ZYG11A: variants seen among roughly 807,000 people sequenced by gnomAD.
The protein encoded by ZYG11A is zyg-11 family member A, cell cycle regulator.
In ZYG11A, 62 loss-of-function variants were observed where a neutral mutation model predicts 77.2. The ratio of observed to expected loss-of-function variants is 0.80; its 90% confidence interval spans 0.65 to 0.99. The LOEUF is 0.99. Ranked by LOEUF, ZYG11A falls within the 50% of genes least tolerant of loss-of-function variation. ZYG11A has a pLI of 0.00. For missense variants in ZYG11A, 828 were observed against 896.8 expected (o/e 0.92, Z 0.98); for synonymous variants, 315 against 324.6 (o/e 0.97, Z 0.32).
chr1:52,849,826 G>A (rs576314293), intron 1 of ZYG11A, among the ~76,000 whole-genome samples: 1 of 152,032 alleles, frequency 6.6e-6, no homozygotes, highest in Non-Finnish European at 1.5e-5. Context: ...GGGACTACAG[G>A]CACCGGCCAC....
intron 8 of ZYG11A, among the ~76,000 whole-genome samples, chr1:52,869,920 C>G (rs1341448873): frequency 4.4e-5 from 3 of 68,280 alleles, no homozygotes; most frequent in Non-Finnish European, 1.2e-4. Flanking sequence ...TGACCCCCCC[C>G]ACACCTCCCT....
chr1:52,844,320 C>A lies in ZYG11A; in HGVS notation c.90+1347C>A, dbSNP rs114703703. On this transcript the variant is annotated intron_variant, in intron 1 of 13. Coordinates refer to ENST00000371528, the MANE Select transcript of ZYG11A (RefSeq NM_001004339.3). ...GATCTAGCCTGTAATCTTTTGAACT[C>A]ATTTAGAAAAGTTATATAATTTGTG... is the stretch of plus-strand genomic sequence containing the variant. Among the ~76,000 whole-genome samples, 969 of 152,266 alleles carry A rather than the reference C, an allele frequency of 6.4e-3. 14 individuals are homozygous for A. The highest frequency in any genetic ancestry group is 0.022 in the African/African-American group (931 of 41,564).
rs1456202511 is a variant in ZYG11A at position 52,893,631 on chromosome 1, T to C, written c.*674T>C. 1 of 151,618 alleles carries C rather than the reference T, an allele frequency of 6.6e-6. No homozygotes were observed. Among genetic ancestry groups the C allele is most frequent in the African/African-American group, 2.4e-5 (1 of 41,284 alleles). The allele number at this position is 151,618 out of a possible 1,614,324, so 9.4% of individuals were successfully genotyped here. ...AAATACAAAAATTAGCTGAGCGTGGTGGTGTGCACCTTTACTCCTAGCTAC... is the reference window on the plus strand; with the variant it reads ...AAATACAAAAATTAGCTGAGCGTGGCGGTGTGCACCTTTACTCCTAGCTAC... On this transcript the variant is annotated 3_prime_UTR_variant, in exon 14 of 14. Transcript: ENST00000371528.
chr1:52,862,754 G>T (rs1004046350), intron 4 of ZYG11A, among the ~76,000 whole-genome samples: 1 of 152,030 alleles, frequency 6.6e-6, no homozygotes, highest in African/African-American at 2.4e-5. Flanking sequence ...GGAAGAGATT[G>T]AATTAGATGT....
At position 52,874,165 on chromosome 1, in the gene ZYG11A, A is replaced by G. The variant is rs1296536717; in HGVS notation, c.1543-3517A>G. On this transcript the variant is annotated intron_variant, in intron 8 of 13. Coordinates refer to ENST00000371528, the MANE Select transcript of ZYG11A (RefSeq NM_001004339.3). ...AGTCGGCAGCCATCAACATTGAGACAAGACCCTCCACCAGCAAAGAGATTA... is the reference window on the plus strand; with the variant it reads ...AGTCGGCAGCCATCAACATTGAGACGAGACCCTCCACCAGCAAAGAGATTA... 1.3e-5 allele frequency among the ~76,000 whole-genome samples: 2 copies of G among 152,082 alleles called. 1 individual carries two copies. Among genetic ancestry groups the G allele is most frequent in the Non-Finnish European group, 2.9e-5 (2 of 68,026 alleles).
intron 5 of ZYG11A, among the ~76,000 whole-genome samples, chr1:52,864,920 G>C (rs1645997288): frequency 6.6e-6 from 1 of 151,668 alleles, no homozygotes; most frequent in South Asian, 2.1e-4. Context: ...CAAAATTCTG[G>C]GATTACAGAC....
At chr1:52,886,609 A>G (rs561539882) in intron 12 of ZYG11A, among the ~76,000 whole-genome samples, 35 of 151,554 alleles carry the variant, frequency 2.3e-4, no homozygotes, top group African/African-American at 8.0e-4. Context: ...TCACATCTCA[A>G]TGCAGCCTTG....
At chr1:52,884,949 G>A (rs1210938877) in intron 11 of ZYG11A, among the ~76,000 whole-genome samples, 1 of 151,674 alleles carries the variant, frequency 6.6e-6, no homozygotes, top group Non-Finnish European at 1.5e-5. Context: ...TGTTGTCCAG[G>A]CTGGAGTGCA....
At chr1:52,847,609 A>C (rs1645616071) in intron 1 of ZYG11A, among the ~76,000 whole-genome samples, 1 of 147,596 alleles carries the variant, frequency 6.8e-6, no homozygotes, top group Admixed American at 6.8e-5. Flanking sequence ...AATATATTTC[A>C]TTTTCATATT....
rs7525572 is a variant in ZYG11A at position 52,885,882 on chromosome 1, T to C, written c.1994T>C (p.Leu665Ser). The C allele has an allele frequency of 1.9e-6, 3 of 1,546,614 alleles. No homozygotes were observed. The highest frequency in any genetic ancestry group is 2.4e-5 in the South Asian group (2 of 82,828). The change falls in exon 12 of 14, where the codon TTG (leucine) becomes TCG (serine). Residue 665 changes from leucine (L) to serine (S), a missense_variant. Physicochemically the swap from Leu to Ser is moderately radical, Grantham distance 145. Transcript: ENST00000371528. ...WPSSSCKMTA[L>S]VTYRSFKTFF... ...AGTTCAAGTTGTAAGATGACAGCATTGGTGACCTATAGGTAATTTCATGGT... is the reference window on the plus strand; with the variant it reads ...AGTTCAAGTTGTAAGATGACAGCATCGGTGACCTATAGGTAATTTCATGGT...
chr1:52,862,075 G>T (rs941041827), intron 4 of ZYG11A, among the ~76,000 whole-genome samples: 1 of 151,528 alleles, frequency 6.6e-6, no homozygotes, highest in Non-Finnish European at 1.5e-5. Context: ...CAGGCGTGGT[G>T]GCAGGTGCCT....
intron 1 of ZYG11A, among the ~76,000 whole-genome samples, chr1:52,847,535 A>G (rs1645614563): frequency 6.6e-6 from 1 of 150,968 alleles, no homozygotes; most frequent in South Asian, 2.1e-4. Flanking sequence ...AGCTTAAAGA[A>G]CTTTTAATAT....
chr1:52,872,852 C>A (rs1571866977), intron 8 of ZYG11A, among the ~76,000 whole-genome samples: 1 of 128,406 alleles, frequency 7.8e-6, no homozygotes, highest in South Asian at 2.5e-4. Flanking sequence ...CACTGTACTT[C>A]AGCATGGATG....
intron 5 of ZYG11A, among the ~76,000 whole-genome samples, chr1:52,866,209 T>C (rs1314437693): frequency 6.6e-6 from 1 of 152,150 alleles, no homozygotes; most frequent in Non-Finnish European, 1.5e-5. Flanking sequence ...AGTGCTGGGA[T>C]TACAGGCATG....
intron 10 of ZYG11A, among the ~76,000 whole-genome samples, chr1:52,878,698 G>A (rs1378068810): frequency 6.6e-6 from 1 of 152,056 alleles, no homozygotes; most frequent in Non-Finnish European, 1.5e-5. Flanking sequence ...CAGCACTTTG[G>A]GAGGCCGAGG....
At chr1:52,869,938 A>ACCCCCCCACCTCCCTCCTGGATG (rs1646114556) in intron 8 of ZYG11A, among the ~76,000 whole-genome samples, 1 of 119,770 alleles carries the variant, frequency 8.3e-6, no homozygotes, top group African/African-American at 3.2e-5. Flanking sequence ...CCTCCCAGAC[A>ACCCCCCCACCTCCCTCCTGGATG]GGGTGGCTGG....
chr1:52,861,325 T>C (rs1645922739), intron 4 of ZYG11A, among the ~76,000 whole-genome samples: 1 of 152,202 alleles, frequency 6.6e-6, no homozygotes, highest in South Asian at 2.1e-4. Flanking sequence ...GTTATTTATT[T>C]TTCTTTTATA....
chr1:52,854,357 G>A lies in ZYG11A; in HGVS notation c.91-108G>A, dbSNP rs536531913. On this transcript the variant is annotated intron_variant, in intron 1 of 13. Coordinates refer to ENST00000371528, the MANE Select transcript of ZYG11A (RefSeq NM_001004339.3). ...AAATCATTACTAGAGTATGAAGGAT[G>A]TATCTTCAGATACTCTCATCAAGTG... 4.7e-5 allele frequency: 47 copies of A among 1,007,130 alleles called. No homozygotes were observed. In the African/African-American group the frequency reaches 4.7e-4, roughly 10 times the overall value. The allele number at this position is 1,007,130 out of a possible 1,614,324, so 62.4% of individuals were successfully genotyped here.
intron 1 of ZYG11A, among the ~76,000 whole-genome samples, chr1:52,843,536 T>G (rs991161260): frequency 1.3e-5 from 2 of 152,096 alleles, no homozygotes; most frequent in Admixed American, 1.3e-4. Flanking sequence ...AAGTCTGAGA[T>G]TCTTTCAGTT....
Sources: gnomAD v4.1 joint callset for allele counts (sites outside exome capture counted in the v4.1 genomes callset) on GRCh38, gnomAD v4.1.1 for gene constraint, MANE v1.5 for transcripts, NCBI Gene and HGNC (gene_info 2026-07-23, HGNC 2026-07-21) for gene names.